VKORC1: variants seen among roughly 807,000 people sequenced by gnomAD.
VKORC1 encodes the protein vitamin K epoxide reductase complex subunit 1.
VKORC1 carries 12 observed loss-of-function variants against 14.8 expected under a neutral mutation model. The observed-to-expected ratio is 0.81, with a 90% CI of 0.52 to 1.31. VKORC1 has a LOEUF of 1.31. VKORC1 is among the 50% of genes most tolerant of loss of function. VKORC1 has a pLI of 0.00. For missense variants in VKORC1, 223 were observed against 215.3 expected (o/e 1.04, Z -0.22); for synonymous variants, 94 against 92.5 (o/e 1.02, Z -0.09).
At chr16:31,093,928 T>C (rs968922718) in intron 1 of VKORC1, 1 of 386,782 alleles carries the variant, frequency 2.6e-6, no homozygotes, top group South Asian at 3.0e-5. Flanking sequence ...GCTGGTCAAC[T>C]CCTGACTTCA....
At chr16:31,092,667 T>G (rs985174460) in intron 2 of VKORC1, 1 of 1,197,332 alleles carries the variant, frequency 8.4e-7, no homozygotes, top group Non-Finnish European at 1.1e-6. Flanking sequence ...TAGATACAAA[T>G]TTTCCTGCTG....
chr16:31,093,280 G>A (rs1245352564), intron 2 of VKORC1, 32 bp downstream of exon 2: 8 of 1,597,940 alleles, frequency 5.0e-6, no homozygotes, highest in Non-Finnish European at 6.8e-6. Context: ...GGGGCGGGGC[G>A]GGGCGGGCAG....
Position 31,091,090 on chromosome 16 carries a change from G to T in VKORC1, c.*44C>A. On this transcript the variant is annotated 3_prime_UTR_variant, in exon 3 of 3. Transcript: ENST00000394975. ...ATGCCCCCTTAGGCAAGGCTCACAT[G>T]CCAAAGCAAAGCAGATGAGGTCAGC... is the stretch of plus-strand genomic sequence containing the variant. 1 of 1,609,180 alleles carries T rather than the reference G, an allele frequency of 6.2e-7. No homozygotes were observed.
intron 2 of VKORC1, 37 bp downstream of exon 2, chr16:31,093,274 CG>C: frequency 1.0e-6 from 1 of 981,980 alleles, no homozygotes; most frequent in Non-Finnish European, 1.2e-6. Context: ...GGATGAGGGG[CG>C]GGGCGGGGCG....
chr16:31,092,538 G>A (rs923167227), intron 2 of VKORC1, among the ~76,000 whole-genome samples: 1 of 152,074 alleles, frequency 6.6e-6, no homozygotes, highest in Admixed American at 6.6e-5. Flanking sequence ...CAAAGGGAGC[G>A]TGGGAGCCTG....
Position 31,094,701 on chromosome 16 carries a change from C to T in VKORC1, c.29G>A (p.Trp10Ter), listed in dbSNP as rs766721996. 5 of 1,608,548 alleles carry T rather than the reference C, an allele frequency of 3.1e-6. No individual in the cohort carries two copies. The highest frequency in any genetic ancestry group is 4.2e-6 in the Non-Finnish European group (5 of 1,178,964). ...CGTCAGGCAAAGAGCGAGCCGCACCCAGCCAGGGCTCCCCCAGGTGCTGCC... is the reference window on the plus strand; with the variant it reads ...CGTCAGGCAAAGAGCGAGCCGCACCTAGCCAGGGCTCCCCCAGGTGCTGCC... The part of the protein sequence containing the change: MGSTWGSPG[W>*]VRLALCLTGL... Residue 10 changes from tryptophan to a stop codon, truncating the protein, a stop_gained, in exon 1 of 3, where the codon TGG (tryptophan) becomes TAG (stop). Coordinates refer to ENST00000394975, the MANE Select transcript of VKORC1 (RefSeq NM_024006.6). LOFTEE classifies it high-confidence loss of function.
intron 1 of VKORC1, chr16:31,094,174 C>T (rs746374352): frequency 4.1e-5 from 65 of 1,571,982 alleles, no homozygotes; most frequent in Middle Eastern, 3.4e-4. Context: ...CTGGCCATCA[C>T]GCACAGCCAG....
intron 2 of VKORC1, among the ~76,000 whole-genome samples, chr16:31,092,196 A>AC (rs1235681339): frequency 3.3e-4 from 50 of 150,736 alleles, no homozygotes; most frequent in African/African-American, 1.1e-3. Context: ...AAAAAAAAAA[A>AC]AAAAAAAATT....
chr16:31,093,649 C>A (rs2057305429), intron 1 of VKORC1: 1 of 947,768 alleles, frequency 1.1e-6, no homozygotes, highest in Non-Finnish European at 1.5e-6. Flanking sequence ...CAGGCCCGGA[C>A]GTGGCTACTC....
chr16:31,093,617 C>A, intron 1 of VKORC1, 196 bp from the exon 2 acceptor site: 1 of 1,417,402 alleles, frequency 7.1e-7, no homozygotes, highest in Non-Finnish European at 9.5e-7. Flanking sequence ...GTCACTGACC[C>A]TATCCTCCCC....
At chr16:31,093,647 G>A (rs2143908999) in intron 1 of VKORC1, 1 of 1,093,496 alleles carries the variant, frequency 9.1e-7, no homozygotes, top group Non-Finnish European at 1.3e-6. Context: ...ACCAGGCCCG[G>A]ACGTGGCTAC....
At chr16:31,093,685 C>T in intron 1 of VKORC1, 1 of 292,946 alleles carries the variant, frequency 3.4e-6, no homozygotes, top group Non-Finnish European at 6.3e-6. Context: ...TCATCTTAGA[C>T]CTTAAGTAAG....
At chr16:31,092,224 T>TAG (rs2057294771) in intron 2 of VKORC1, among the ~76,000 whole-genome samples, 1 of 133,084 alleles carries the variant, frequency 7.5e-6, no homozygotes, top group Non-Finnish European at 1.6e-5. Flanking sequence ...TGCAGTGACA[T>TAG]GCCTATAGTC....
intron 2 of VKORC1, 124 bp downstream of exon 2, chr16:31,093,188 C>A (rs8050894): frequency 9.7e-6 from 10 of 1,026,872 alleles, no homozygotes; most frequent in East Asian, 2.6e-5. Context: ...CAGGACGCTC[C>A]GTGATGAGCA....
Position 31,090,922 on chromosome 16 carries a change from C to A in VKORC1, c.*212G>T. 1.4e-6 allele frequency: 1 copy of A among 730,734 alleles called. No individual in the cohort carries two copies. 45.3% of individuals were successfully genotyped at this position (730,734 alleles called of 1,614,324 possible). A position where few individuals can be genotyped will look rare whatever the true frequency, so the allele number is the denominator to read the frequency against. On this transcript the variant is annotated 3_prime_UTR_variant, in exon 3 of 3. Coordinates refer to ENST00000394975, the MANE Select transcript of VKORC1 (RefSeq NM_024006.6). ...GGGCAATGGAAAGAGCTTTGGAGAC[C>A]AGCCCATGGGGACAGAGTCAGAGGC...
chr16:31,094,141 G>A (rs1039918004), intron 1 of VKORC1: 1 of 1,542,432 alleles, frequency 6.5e-7, no homozygotes, highest in African/African-American at 1.4e-5. Context: ...CGCCTCCTCT[G>A]TATTCCGTCA....
rs2143901826 is a variant in VKORC1, at chr16:31,090,986, T to C, written c.*148A>G. 1.5e-6 allele frequency: 2 copies of C among 1,332,162 alleles called. No homozygotes were observed. The highest frequency in any genetic ancestry group is 5.0e-5 in the East Asian group (2 of 39,682). The allele number at this position is 1,332,162 out of a possible 1,614,324, so 82.5% of individuals were successfully genotyped here. On this transcript the variant is annotated 3_prime_UTR_variant, in exon 3 of 3. Coordinates refer to ENST00000394975, the MANE Select transcript of VKORC1 (RefSeq NM_024006.6). The stretch of plus-strand genomic sequence containing the variant: ...AAGAGCGAGCGTGTGGCACATTTGG[T>C]CCATTGTCATGTGCGGGTATGGCAG...
chr16:31,091,287 A>G lies in VKORC1; in HGVS notation c.339T>C (p.Ser113=), dbSNP rs2057287852. ...AGGCCAGGTAGACAGAACCAGCGAG[A>G]GACACCAGGGAGCTCAGCAGCATCA... ...SVLMLLSSLV[S]LAGSVYLAWI... Residue 113 remains serine (S), a synonymous_variant, in exon 3 of 3, where the codon TCT becomes TCC. Coordinates refer to ENST00000394975, the MANE Select transcript of VKORC1 (RefSeq NM_024006.6). 1.2e-6 allele frequency: 2 copies of G among 1,614,146 alleles called. No homozygotes were observed. The highest frequency in any genetic ancestry group is 1.7e-6 in the Non-Finnish European group (2 of 1,180,042).
intron 1 of VKORC1, 165 bp downstream of exon 1, chr16:31,094,392 T>C (rs1412681253): frequency 1.2e-6 from 2 of 1,612,792 alleles, no homozygotes; most frequent in Admixed American, 3.3e-5. Context: ...CACTCTTATT[T>C]CGAACACCAG....
Sources: allele counts gnomAD v4.1 joint callset (sites outside exome capture counted in the v4.1 genomes callset), GRCh38; gene constraint gnomAD v4.1.1; transcripts MANE v1.5; gene names NCBI Gene and HGNC (gene_info 2026-07-23, HGNC 2026-07-21).